The following TSPAN5 variants were observed in gnomAD, a reference collection of about 807,000 sequenced individuals.
TSPAN5 encodes tetraspanin 5.
TSPAN5 carries 10 observed loss-of-function variants against 37.1 expected under a neutral mutation model. The observed-to-expected ratio is 0.27, with a 90% CI of 0.17 to 0.46. The LOEUF (loss-of-function observed/expected upper bound fraction) is 0.46, where lower values mean the gene tolerates loss of function less well. Among genes scored for constraint, TSPAN5 ranks in the 20% least tolerant of loss-of-function variants. The probability of loss-of-function intolerance (pLI) is 1.00; values close to 1 mark genes in which losing one functional copy is unlikely to be tolerated. For missense variants in TSPAN5, 195 were observed against 326.6 expected (o/e 0.60, Z 3.11); for synonymous variants, 110 against 118.9 (o/e 0.93, Z 0.48).
chr4:98,630,602 C>G (rs1019615426), intron 1 of TSPAN5, among the ~76,000 whole-genome samples: 2 of 152,158 alleles, frequency 1.3e-5, no homozygotes, highest in African/African-American at 4.8e-5. Flanking sequence ...GTGCACATAA[C>G]TAGAAAGGGA....
intron 1 of TSPAN5, among the ~76,000 whole-genome samples, chr4:98,651,572 G>T (rs4699663): frequency 0.99 from 151,150 of 152,342 alleles, 74,992 homozygotes; most frequent in East Asian, 1. Context: ...TGGCAACTTT[G>T]TCTCAAACAG....
At chr4:98,633,355 A>T (rs12505872) in intron 1 of TSPAN5, among the ~76,000 whole-genome samples, 16,791 of 152,068 alleles carry the variant, frequency 0.11, 1,181 homozygotes, top group South Asian at 0.31. Context: ...AACAAGAGAG[A>T]CTCACCTAAA....
chr4:98,530,491 C>T (rs1265011705), intron 1 of TSPAN5, among the ~76,000 whole-genome samples: 2 of 152,186 alleles, frequency 1.3e-5, no homozygotes, highest in African/African-American at 4.8e-5. Flanking sequence ...AAGCCACAGC[C>T]GTTTCCACTT....
At chr4:98,609,453 G>C (rs1330411656) in intron 1 of TSPAN5, among the ~76,000 whole-genome samples, 1 of 152,124 alleles carries the variant, frequency 6.6e-6, no homozygotes, top group East Asian at 1.9e-4. Flanking sequence ...CTCCTGGGTA[G>C]ACATGATCAC....
chr4:98,638,093 G>A lies in TSPAN5; in HGVS notation c.81+20053C>T, dbSNP rs115449151. 1.8e-3 allele frequency among the ~76,000 whole-genome samples: 280 copies of A among 152,172 alleles called. 2 individuals carry two copies. The highest frequency in any genetic ancestry group is 6.1e-3 in the African/African-American group (254 of 41,514). On this transcript the variant is annotated intron_variant, in intron 1 of 7. Transcript: ENST00000305798. ...GGGCCAGATGTCTGACCACCCTTGCGCCTTGCCTCTGCCTGGGTTATAATT... is the reference window on the plus strand; with the variant it reads ...GGGCCAGATGTCTGACCACCCTTGCACCTTGCCTCTGCCTGGGTTATAATT...
At chr4:98,621,424 G>T (rs1429504904) in intron 1 of TSPAN5, among the ~76,000 whole-genome samples, 8 of 143,564 alleles carry the variant, frequency 5.6e-5, no homozygotes, top group Non-Finnish European at 1.0e-4. Context: ...CTGGAATGCA[G>T]TGGCGCGATC....
intron 1 of TSPAN5, among the ~76,000 whole-genome samples, chr4:98,544,292 A>G (rs953731081): frequency 6.6e-5 from 10 of 152,102 alleles, no homozygotes; most frequent in African/African-American, 2.4e-4. Flanking sequence ...TGTGCCCTCA[A>G]TTTCACTGGC....
chr4:98,554,734 T>A (rs1341518468), intron 1 of TSPAN5, among the ~76,000 whole-genome samples: 1 of 152,156 alleles, frequency 6.6e-6, no homozygotes, highest in African/African-American at 2.4e-5. Flanking sequence ...AATACATGCA[T>A]AAAGTCCAAA....
chr4:98,652,666 C>A (rs995888512), intron 1 of TSPAN5, among the ~76,000 whole-genome samples: 1 of 152,190 alleles, frequency 6.6e-6, no homozygotes, highest in Non-Finnish European at 1.5e-5. Flanking sequence ...TCTCTGTACT[C>A]CAATTTCTTC....
At chr4:98,543,875 T>G (rs1319590207) in intron 1 of TSPAN5, among the ~76,000 whole-genome samples, 3 of 152,030 alleles carry the variant, frequency 2.0e-5, no homozygotes, top group Non-Finnish European at 4.4e-5. Flanking sequence ...TAGATCACAA[T>G]ATTGGGCTTA....
chr4:98,582,126 G>C (rs181785408), intron 1 of TSPAN5, among the ~76,000 whole-genome samples: 64 of 152,326 alleles, frequency 4.2e-4, no homozygotes, highest in African/African-American at 1.5e-3. Context: ...TCGTTAAACA[G>C]AGTACTAAGT....
At chr4:98,621,581 G>T (rs1756482227) in intron 1 of TSPAN5, among the ~76,000 whole-genome samples, 1 of 151,956 alleles carries the variant, frequency 6.6e-6, no homozygotes, top group South Asian at 2.1e-4. Flanking sequence ...TGTTCACCAG[G>T]ATGCTCTCGA....
At chr4:98,501,737 T>G (rs552709416) in intron 2 of TSPAN5, among the ~76,000 whole-genome samples, 2 of 152,200 alleles carry the variant, frequency 1.3e-5, no homozygotes, top group Admixed American at 1.3e-4. Flanking sequence ...GCACACAGTA[T>G]GAAAGCAAAT....
At chr4:98,485,219 C>G (rs2110262633) in intron 3 of TSPAN5, 1 of 152,580 alleles carries the variant, frequency 6.6e-6, no homozygotes, top group Admixed American at 6.5e-5. Flanking sequence ...TACAGGAAAG[C>G]TGGCAAGGTG....
chr4:98,503,509 T>A (rs527271308), intron 2 of TSPAN5, among the ~76,000 whole-genome samples: 3 of 152,042 alleles, frequency 2.0e-5, no homozygotes. Context: ...TTCTGTGGGA[T>A]CCAACAGGGT....
At chr4:98,480,626 T>C (rs1752816927) in intron 4 of TSPAN5, among the ~76,000 whole-genome samples, 1 of 152,144 alleles carries the variant, frequency 6.6e-6, no homozygotes, top group African/African-American at 2.4e-5. Flanking sequence ...CATGAAACTG[T>C]AGTATTTCCG....
At chr4:98,627,413 GA>G (rs754751075) in intron 1 of TSPAN5, among the ~76,000 whole-genome samples, 55 of 145,414 alleles carry the variant, frequency 3.8e-4, no homozygotes, top group African/African-American at 1.1e-3. Context: ...GTTTCAAAAG[GA>G]AAAAAAAAAC....
chr4:98,607,968 C>A (rs1332136995), intron 1 of TSPAN5, among the ~76,000 whole-genome samples: 3 of 152,112 alleles, frequency 2.0e-5, no homozygotes, highest in Non-Finnish European at 2.9e-5. Flanking sequence ...GCCTCGGGCT[C>A]CCAAAGTGCT....
intron 7 of TSPAN5, 132 bp downstream of exon 7, chr4:98,476,057 G>C (rs1322022417): frequency 6.4e-6 from 4 of 625,112 alleles, no homozygotes; most frequent in Non-Finnish European, 1.1e-5. Context: ...AATCGTTTAG[G>C]TCTGTTCCTC....
Sources: allele counts gnomAD v4.1 joint callset (sites outside exome capture counted in the v4.1 genomes callset), GRCh38; gene constraint gnomAD v4.1.1; transcripts MANE v1.5; gene names NCBI Gene and HGNC (gene_info 2026-07-23, HGNC 2026-07-21).